Variants in COMMD1 observed in about 807,000 individuals in gnomAD.
COMMD1 encodes the protein copper metabolism domain containing 1, also known as COMM domain-containing protein 1.
A neutral mutation model predicts 17.2 loss-of-function variants in COMMD1; 10 were observed. The observed-to-expected ratio is 0.58, with a 90% CI of 0.36 to 0.99. The LOEUF is 0.99. Among genes scored for constraint, COMMD1 ranks in the 50% least tolerant of loss-of-function variants. The probability of loss-of-function intolerance (pLI) is 0.01; values close to 1 mark genes in which losing one functional copy is unlikely to be tolerated. For synonymous variants in COMMD1, 97 were observed against 91.6 expected (o/e 1.06, Z -0.34); for missense variants, 270 against 231.8 (o/e 1.17, Z -1.07).
At chr2:62,081,624 G>A (rs746404927) in intron 2 of COMMD1, among the ~76,000 whole-genome samples, 2 of 152,050 alleles carry the variant, frequency 1.3e-5, no homozygotes, top group Non-Finnish European at 2.9e-5. Flanking sequence ...GTGAGGTTGA[G>A]TCTGTTGTCA....
intron 2 of COMMD1, among the ~76,000 whole-genome samples, chr2:62,111,502 G>T (rs1672453677): frequency 6.6e-6 from 1 of 152,166 alleles, no homozygotes; most frequent in African/African-American, 2.4e-5. Flanking sequence ...ATTCTTATTG[G>T]CCTGTCTGTA....
intron 2 of COMMD1, among the ~76,000 whole-genome samples, chr2:62,035,625 A>T (rs1163525114): frequency 6.6e-6 from 1 of 151,576 alleles, no homozygotes; most frequent in Non-Finnish European, 1.5e-5. Context: ...TGCAGCCCCA[A>T]CTACTTGGGA....
chr2:61,905,340 A>G (rs1055080195), upstream of COMMD1, among the ~76,000 whole-genome samples: 1 of 152,246 alleles, frequency 6.6e-6, no homozygotes, highest in Non-Finnish European at 1.5e-5. Context: ...AATGAGATAC[A>G]GCCATCTAAA....
At chr2:61,966,079 A>C (rs1248240303) in intron 1 of COMMD1, among the ~76,000 whole-genome samples, 1 of 152,212 alleles carries the variant, frequency 6.6e-6, no homozygotes, top group Non-Finnish European at 1.5e-5. Context: ...TGAAATTGTG[A>C]ATGTTCAATC....
chr2:61,939,941 T>G (rs1670699705), intron 1 of COMMD1, among the ~76,000 whole-genome samples: 1 of 152,214 alleles, frequency 6.6e-6, no homozygotes, highest in Admixed American at 6.5e-5. Flanking sequence ...CCTTCTTGTA[T>G]TCCCAGGTAG....
In COMMD1 at chr2:61,905,820, T is replaced by G; in HGVS notation, c.142T>G (p.Phe48Val). Residue 48 changes from phenylalanine (F) to valine (V), a missense_variant, in exon 1 of 3, where the codon TTC becomes GTC. Coordinates refer to ENST00000311832, the MANE Select transcript of COMMD1 (RefSeq NM_152516.4). Reference protein sequence around the residue: ...QLYPEVPPEEFRPFLAKMRGI... With the variant: ...QLYPEVPPEEVRPFLAKMRGI... ...ATATCCAGAGGTGCCACCCGAGGAG[T>G]TCCGCCCCTTTCTGGCAAAGATGAG... The G allele has an allele frequency of 6.2e-7, 1 of 1,614,040 alleles. No homozygotes were observed. Among genetic ancestry groups the G allele is most frequent in the Non-Finnish European group, 8.5e-7 (1 of 1,179,976 alleles).
intron 2 of COMMD1, among the ~76,000 whole-genome samples, chr2:62,099,661 A>G (rs530539114): frequency 2.0e-5 from 3 of 151,590 alleles, no homozygotes; most frequent in South Asian, 4.2e-4. Context: ...AGCACTTTAC[A>G]GTGTTTCAAC....
rs183656148 is a variant in COMMD1 at position 62,081,124 on chromosome 2, A to G, written c.463-54707A>G. Among the ~76,000 whole-genome samples, 20 of 152,288 alleles carry G rather than the reference A, an allele frequency of 1.3e-4. No individual in the cohort carries two copies. The East Asian group carries it at 3.5e-3, about 26-fold the overall frequency. ...AAAAGGTATACATGCATTAATTTTA[A>G]TAGCTACTGCTGGATCACTTTTCAG... On this transcript the variant is annotated intron_variant, in intron 2 of 2. Transcript: ENST00000311832.
intron 2 of COMMD1, among the ~76,000 whole-genome samples, chr2:62,012,973 G>A (rs1436524302): frequency 6.6e-6 from 1 of 152,106 alleles, no homozygotes; most frequent in Non-Finnish European, 1.5e-5. Context: ...CAAAATACAG[G>A]CAGAGGGAGC....
At chr2:61,927,974 A>G (rs1048298266) in intron 1 of COMMD1, among the ~76,000 whole-genome samples, 1 of 151,982 alleles carries the variant, frequency 6.6e-6, no homozygotes, top group African/African-American at 2.4e-5. Flanking sequence ...CATATTGGTC[A>G]GGCTGGTTTC....
At chr2:62,120,329 T>G (rs968277265) in intron 2 of COMMD1, among the ~76,000 whole-genome samples, 16 of 151,008 alleles carry the variant, frequency 1.1e-4, no homozygotes, top group African/African-American at 3.9e-4. Context: ...CTTCAATTCC[T>G]CTCTGTTTCT....
intron 1 of COMMD1, among the ~76,000 whole-genome samples, chr2:61,988,734 C>G (rs1672168885): frequency 6.6e-6 from 1 of 152,252 alleles, no homozygotes; most frequent in East Asian, 1.9e-4. Flanking sequence ...TTTAGACTTT[C>G]CTGTAAGTTT....
At chr2:62,104,633 C>CA (rs35679940) in intron 2 of COMMD1, among the ~76,000 whole-genome samples, 3,342 of 76,310 alleles carry the variant, frequency 0.044, 242 homozygotes, top group African/African-American at 0.14. Context: ...GACTCCGTCT[C>CA]AAAAAAAAAA....
At chr2:61,952,617 C>T (rs1671086828) in intron 1 of COMMD1, among the ~76,000 whole-genome samples, 1 of 152,162 alleles carries the variant, frequency 6.6e-6, no homozygotes, top group Non-Finnish European at 1.5e-5. Flanking sequence ...GCCCCCTGCC[C>T]ATCAAATTTT....
At chr2:61,986,757 C>T (rs957525861) in intron 1 of COMMD1, among the ~76,000 whole-genome samples, 27 of 151,622 alleles carry the variant, frequency 1.8e-4, no homozygotes, top group Non-Finnish European at 3.5e-4. Context: ...TTATTAGAGA[C>T]CAGGTTTTGC....
chr2:61,969,783 A>G (rs954725274), intron 1 of COMMD1, among the ~76,000 whole-genome samples: 1 of 152,166 alleles, frequency 6.6e-6, no homozygotes, highest in Non-Finnish European at 1.5e-5. Context: ...TTTATGTCTC[A>G]GGTATTGTAG....
chr2:61,998,764 T>TA (rs1450798117), intron 1 of COMMD1, among the ~76,000 whole-genome samples: 4 of 152,208 alleles, frequency 2.6e-5, no homozygotes, highest in Non-Finnish European at 5.9e-5. Context: ...CTTGAATACT[T>TA]AGAGGCCATC....
intron 2 of COMMD1, among the ~76,000 whole-genome samples, chr2:62,105,691 C>T (rs1672310418): frequency 6.6e-6 from 1 of 152,242 alleles, no homozygotes; most frequent in Middle Eastern, 3.4e-3. Flanking sequence ...GGGGTGGTGG[C>T]AGGCGCTTGT....
intron 2 of COMMD1, among the ~76,000 whole-genome samples, chr2:62,005,335 A>G (rs558020023): frequency 1.3e-5 from 2 of 152,298 alleles, no homozygotes; most frequent in Admixed American, 1.3e-4. Flanking sequence ...TTATTCAGGA[A>G]CTAGTGAAGG....
Sources: gnomAD v4.1 joint callset for allele counts (sites outside exome capture counted in the v4.1 genomes callset) on GRCh38, gnomAD v4.1.1 for gene constraint, MANE v1.5 for transcripts, NCBI Gene and HGNC (gene_info 2026-07-23, HGNC 2026-07-21) for gene names.